The following CNDP1 variants were observed in gnomAD, a reference collection of about 807,000 sequenced individuals.
CNDP1 encodes carnosine dipeptidase 1.
A neutral mutation model predicts 58.1 loss-of-function variants in CNDP1; 44 were observed. That is an observed-to-expected ratio of 0.76 (90% CI 0.60 to 0.97). The LOEUF is 0.97. Among genes scored for constraint, CNDP1 ranks in the 50% least tolerant of loss-of-function variants. The probability of loss-of-function intolerance (pLI) is 0.00; values close to 1 mark genes in which losing one functional copy is unlikely to be tolerated. For missense variants in CNDP1, 616 were observed against 655.1 expected (o/e 0.94, Z 0.65); for synonymous variants, 254 against 252.6 (o/e 1.01, Z -0.05).
At chr18:74,577,876 C>T (rs933080830) in intron 8 of CNDP1, 3 of 302,934 alleles carry the variant, frequency 9.9e-6, no homozygotes, top group African/African-American at 2.1e-5. Flanking sequence ...TGCCCGATCT[C>T]GTTTGAAAGG....
rs186851332 is a variant in CNDP1 at position 74,580,338 on chromosome 18, G to A, written c.1309+67G>A. The A allele has an allele frequency of 2.8e-4, 424 of 1,517,392 alleles. 2 individuals are homozygous for A. The African/African-American group carries it at 4.2e-3, about 15-fold the overall frequency. The allele number at this position is 1,517,392 out of a possible 1,614,324, so 94.0% of individuals were successfully genotyped here. A position where few individuals can be genotyped will look rare whatever the true frequency, so the allele number is the denominator to read the frequency against. On this transcript the variant is annotated intron_variant, in intron 10 of 11. Transcript: ENST00000358821. ...ACTCAGGGGTGGTACCCGTGGGACC[G>A]TGGGTAAAGCAGACACTTTTAAAAC...
chr18:74,565,496 T>C lies in CNDP1; in HGVS notation c.556-1737T>C, dbSNP rs563745294. Among the ~76,000 whole-genome samples, 210 of 152,200 alleles carry C rather than the reference T, an allele frequency of 1.4e-3. 7 individuals are homozygous for C. The South Asian group carries it at 0.038, about 27-fold the overall frequency. Reference sequence around the variant, plus strand: ...ATACAATGTCAGTACAGGTGTTGGGTAAATATAGCTGTTCCAAATGGGAGA... The same window carrying C: ...ATACAATGTCAGTACAGGTGTTGGGCAAATATAGCTGTTCCAAATGGGAGA... On this transcript the variant is annotated intron_variant, in intron 5 of 11. Transcript: ENST00000358821.
In CNDP1 at chr18:74,556,404, C is replaced by T. The variant is rs147117351; in HGVS notation, c.91C>T (p.Pro31Ser). Residue 31 changes from proline (P) to serine (S), a missense_variant, in exon 2 of 12, where the codon CCC becomes TCC. Pro to Ser is a moderately conservative substitution (Grantham distance 74). Coordinates refer to ENST00000358821, the MANE Select transcript of CNDP1 (RefSeq NM_032649.6). The stretch of plus-strand genomic sequence containing the variant: ...CGGCATGTTCTCCTCACCCTCCCCG[C>T]CCCCGGCGCTGTTAGAGAAAGTCTT... ...ERGMFSSPSP[P>S]PALLEKVFQY... 32 of 1,614,098 alleles carry T rather than the reference C, an allele frequency of 2.0e-5. No homozygotes were observed. Among genetic ancestry groups the T allele is most frequent in the Non-Finnish European group, 2.5e-5 (30 of 1,179,932 alleles).
At chr18:74,555,927 A>C (rs1403415281) in intron 1 of CNDP1, among the ~76,000 whole-genome samples, 6 of 152,208 alleles carry the variant, frequency 3.9e-5, no homozygotes, top group Non-Finnish European at 8.8e-5. Context: ...TCTTTTGTCT[A>C]ATAGAGCAGT....
At position 74,559,441 on chromosome 18, in the gene CNDP1, G is replaced by A. The variant is rs750727146; in HGVS notation, c.272G>A (p.Arg91His). ...GACACGCTGCAGCGCCTGGGGGCCC[G>A]TGTGGCCTCGGTGGACATGGGTCCT... ...AADTLQRLGA[R>H]VASVDMGPQQ... Residue 91 changes from arginine to histidine, a missense_variant, in exon 3 of 12, where the codon CGT (arginine) becomes CAT (histidine). Coordinates refer to ENST00000358821, the MANE Select transcript of CNDP1 (RefSeq NM_032649.6). The A allele has an allele frequency of 3.8e-5, 62 of 1,610,962 alleles. No homozygotes were observed. The highest frequency in any genetic ancestry group is 4.7e-5 in the Non-Finnish European group (55 of 1,179,964).
chr18:74,580,302 T>G, intron 10 of CNDP1, 31 bp downstream of exon 10: 2 of 1,612,438 alleles, frequency 1.2e-6, no homozygotes, highest in Non-Finnish European at 1.7e-6. Flanking sequence ...GACTGGCCAA[T>G]CTGCACTGGG....
At chr18:74,563,988 T>G (rs1408214415) in intron 5 of CNDP1, among the ~76,000 whole-genome samples, 1 of 152,264 alleles carries the variant, frequency 6.6e-6, no homozygotes, top group African/African-American at 2.4e-5. Context: ...GAACTTCAGA[T>G]GGACTTCCTA....
chr18:74,577,124 G>A (rs1193472044), intron 8 of CNDP1, 95 bp downstream of exon 8: 33 of 1,140,462 alleles, frequency 2.9e-5, no homozygotes, highest in South Asian at 4.2e-5. Flanking sequence ...GCTAATCTCC[G>A]TATCTTAGAA....
chr18:74,546,586 G>C (rs766117047), intron 1 of CNDP1, among the ~76,000 whole-genome samples: 51 of 152,186 alleles, frequency 3.4e-4, no homozygotes, highest in Non-Finnish European at 7.2e-4. Flanking sequence ...AGGTCCCACT[G>C]TCCCTGCTTC....
rs10685765 is a variant in CNDP1, at chr18:74,535,580, C to CTTTTTTTTTTT, written c.24+893_24+903dup. Among the ~76,000 whole-genome samples, 592 of 106,366 alleles carry CTTTTTTTTTTT rather than the reference C, an allele frequency of 5.6e-3. 25 individuals carry two copies. The highest frequency in any genetic ancestry group is 0.018 in the African/African-American group (540 of 29,584). 69.8% of individuals were successfully genotyped at this position (106,366 alleles called of 152,430 possible). A position where few individuals can be genotyped will look rare whatever the true frequency, so the allele number is the denominator to read the frequency against. ...GTCTGGCCATGCTTTCCATTGCTGA[C>CTTTTTTTTTTT]TTTTTTTTTTTTTTAAAGAACCCAT... On this transcript the variant is annotated intron_variant, in intron 1 of 11. Transcript: ENST00000358821.
At chr18:74,535,028 G>T (rs17816861) in intron 1 of CNDP1, among the ~76,000 whole-genome samples, 21,520 of 152,088 alleles carry the variant, frequency 0.14, 1,678 homozygotes, top group Non-Finnish European at 0.18. Flanking sequence ...TTGCTTCCTG[G>T]AAGAATTTGC....
intron 5 of CNDP1, 85 bp from the exon 6 acceptor site, chr18:74,567,148 A>T: frequency 9.3e-7 from 1 of 1,080,228 alleles, no homozygotes; most frequent in South Asian, 1.3e-5. Flanking sequence ...ATTCTGGGAG[A>T]TACAATTCAA....
chr18:74,566,854 A>T (rs1981340919), intron 5 of CNDP1, among the ~76,000 whole-genome samples: 2 of 152,144 alleles, frequency 1.3e-5, no homozygotes, highest in Admixed American at 1.3e-4. Context: ...AATTTACTGT[A>T]TTAGTCCATT....
At chr18:74,573,431 A>ATCCATCCATCCATCTATTTATGTAT (rs565156580) in intron 7 of CNDP1, among the ~76,000 whole-genome samples, 1 of 141,768 alleles carries the variant, frequency 7.1e-6, no homozygotes, top group African/African-American at 2.7e-5. Context: ...CATCCATCCA[A>ATCCATCCATCCATCTATTTATGTAT]CTATCTATCT....
At chr18:74,567,050 A>T (rs568353574) in intron 5 of CNDP1, 183 bp from the exon 6 acceptor site, 10 of 600,830 alleles carry the variant, frequency 1.7e-5, no homozygotes, top group Admixed American at 5.6e-5. Context: ...ATCTCATGAG[A>T]CTTACTCACT....
At chr18:74,577,369 G>A (rs1354068411) in intron 8 of CNDP1, 3 of 175,390 alleles carry the variant, frequency 1.7e-5, no homozygotes, top group Non-Finnish European at 3.6e-5. Context: ...ACCAAGAAAA[G>A]TCTGAGATGA....
chr18:74,586,333 T>C lies in CNDP1; in HGVS notation c.*1771T>C, dbSNP rs1354505904. The C allele has an allele frequency of 6.6e-6, 1 of 152,216 alleles. No homozygotes were observed. The highest frequency in any genetic ancestry group is 2.4e-5 in the African/African-American group (1 of 41,446). The allele number at this position is 152,216 out of a possible 1,614,324, so 9.4% of individuals were successfully genotyped here. The stretch of plus-strand genomic sequence containing the variant: ...GTTTGATATTTTGTGCTATTAAGTG[T>C]AGTTTGCGCTCATCTAATTATGCAG... On this transcript the variant is annotated 3_prime_UTR_variant, in exon 12 of 12. Coordinates refer to ENST00000358821, the MANE Select transcript of CNDP1 (RefSeq NM_032649.6).
At chr18:74,560,395 T>C (rs1445946054) in intron 3 of CNDP1, among the ~76,000 whole-genome samples, 2 of 151,558 alleles carry the variant, frequency 1.3e-5, no homozygotes, top group African/African-American at 4.9e-5. Context: ...TTACTTTTGA[T>C]TAGGTTTTAT....
In CNDP1 at chr18:74,586,619, G is replaced by T. The variant is rs1198489775; in HGVS notation, c.*2057G>T. ...ATTACGTTGCTGCCAGGAGAGAAGGGGAGGAGAATGAATAGTTATGGAAGT... is the reference window on the plus strand; with the variant it reads ...ATTACGTTGCTGCCAGGAGAGAAGGTGAGGAGAATGAATAGTTATGGAAGT... On this transcript the variant is annotated 3_prime_UTR_variant, in exon 12 of 12. Transcript: ENST00000358821. 6.6e-6 allele frequency: 1 copy of T among 152,190 alleles called. No individual in the cohort carries two copies. The highest frequency in any genetic ancestry group is 1.9e-4 in the East Asian group (1 of 5,204). The allele number at this position is 152,190 out of a possible 1,614,324, so 9.4% of individuals were successfully genotyped here.
Sources: allele counts gnomAD v4.1 joint callset (sites outside exome capture counted in the v4.1 genomes callset), GRCh38; gene constraint gnomAD v4.1.1; transcripts MANE v1.5; gene names NCBI Gene and HGNC (gene_info 2026-07-23, HGNC 2026-07-21).